The following PRKAG2 variants were observed in gnomAD, a reference collection of about 807,000 sequenced individuals.
The protein encoded by PRKAG2 is 5'-AMP-activated protein kinase subunit gamma-2.
In PRKAG2, 26 loss-of-function variants were observed where a neutral mutation model predicts 69.6. The observed-to-expected ratio is 0.37, with a 90% CI of 0.27 to 0.52. The LOEUF (loss-of-function observed/expected upper bound fraction) is 0.52. Among genes scored for constraint, PRKAG2 ranks in the 20% least tolerant of loss-of-function variants. The probability of loss-of-function intolerance (pLI) is 0.90; values close to 1 mark genes in which losing one functional copy is unlikely to be tolerated. For synonymous variants in PRKAG2, 293 were observed against 285.0 expected (o/e 1.03, Z -0.28); for missense variants, 557 against 740.0 (o/e 0.75, Z 2.87).
chr7:151,723,832 G>A (rs2536073), intron 3 of PRKAG2, among the ~76,000 whole-genome samples: 36,178 of 152,008 alleles, frequency 0.24, 4,473 homozygotes, highest in South Asian at 0.39. Flanking sequence ...AGACGCAGGC[G>A]TTTCTGGTGT....
At chr7:151,785,893 T>C (rs541969391) in intron 2 of PRKAG2, among the ~76,000 whole-genome samples, 1 of 152,114 alleles carries the variant, frequency 6.6e-6, no homozygotes, top group South Asian at 2.1e-4. Flanking sequence ...CACCTGACCC[T>C]ACACAGTCAA....
At chr7:151,570,772 G>T (rs138556262) in intron 9 of PRKAG2, among the ~76,000 whole-genome samples, 5 of 151,932 alleles carry the variant, frequency 3.3e-5, no homozygotes, top group East Asian at 1.9e-4. Flanking sequence ...CTTTTCCAAG[G>T]TTTCTTTTTT....
chr7:151,559,965 T>C, intron 15 of PRKAG2: 1 of 985,436 alleles, frequency 1.0e-6, no homozygotes, highest in South Asian at 4.7e-5. Flanking sequence ...TCCCGTTCTC[T>C]CTGCTCCTCA....
intron 1 of PRKAG2, among the ~76,000 whole-genome samples, chr7:151,790,326 A>C (rs1330532504): frequency 6.6e-6 from 1 of 152,216 alleles, no homozygotes; most frequent in Non-Finnish European, 1.5e-5. Context: ...TCTCTGGCTG[A>C]GAGTCACCCT....
intron 6 of PRKAG2, among the ~76,000 whole-genome samples, chr7:151,592,844 T>C (rs1368416237): frequency 6.6e-6 from 1 of 152,234 alleles, no homozygotes; most frequent in East Asian, 1.9e-4. Flanking sequence ...TCAATGGCTA[T>C]TACTGCAGCC....
At chr7:151,727,709 G>C (rs1259101862) in intron 3 of PRKAG2, among the ~76,000 whole-genome samples, 1 of 150,984 alleles carries the variant, frequency 6.6e-6, no homozygotes, top group Non-Finnish European at 1.5e-5. Flanking sequence ...CCAGGCCCAG[G>C]AGCGAGAAGG....
chr7:151,632,216 G>A lies in PRKAG2; in HGVS notation c.685-78C>T. On this transcript the variant is annotated intron_variant, in intron 4 of 15. Coordinates refer to ENST00000287878, the MANE Select transcript of PRKAG2 (RefSeq NM_016203.4). This position sits in a 1 kb window ranked among gnomAD's most constrained non-coding sequence, Gnocchi z 4.2. ...GGCCGGCGGGCTCGCGGCCGGCCGA[G>A]CGCTGGGGCCTGGCTCTGCCGCGCC... 8.8e-7 allele frequency: 1 copy of A among 1,136,164 alleles called. No individual in the cohort carries two copies. The highest frequency in any genetic ancestry group is 1.1e-6 in the Non-Finnish European group (1 of 926,944). 70.4% of individuals were successfully genotyped at this position (1,136,164 alleles called of 1,614,324 possible).
chr7:151,722,133 C>A (rs958011013), intron 3 of PRKAG2, among the ~76,000 whole-genome samples: 1 of 152,160 alleles, frequency 6.6e-6, no homozygotes, highest in African/African-American at 2.4e-5. Context: ...AGCCTGTAAC[C>A]CGTATTTCTC....
chr7:151,869,802 T>C (rs1362496078), intron 1 of PRKAG2, among the ~76,000 whole-genome samples: 2 of 152,170 alleles, frequency 1.3e-5, no homozygotes, highest in East Asian at 3.9e-4. Context: ...CCAAGCTTCA[T>C]CAAAAACCCT....
At chr7:151,695,499 C>G (rs1836463618) in intron 3 of PRKAG2, among the ~76,000 whole-genome samples, 1 of 152,076 alleles carries the variant, frequency 6.6e-6, no homozygotes, top group African/African-American at 2.4e-5. Context: ...CGTGTGGGTG[C>G]CCTAAGTGCC....
chr7:151,735,098 C>A (rs750870365), intron 3 of PRKAG2, among the ~76,000 whole-genome samples: 2 of 152,088 alleles, frequency 1.3e-5, no homozygotes, highest in African/African-American at 4.8e-5. Context: ...TCAGGTGATC[C>A]GCCTGTTTTG....
rs2078566713 is a variant in PRKAG2, at chr7:151,814,246, G to A, written c.115-27705C>T. On this transcript the variant is annotated intron_variant, in intron 1 of 15. Coordinates refer to ENST00000287878, the MANE Select transcript of PRKAG2 (RefSeq NM_016203.4). This position sits in a 1 kb window ranked among gnomAD's most constrained non-coding sequence, Gnocchi z 4.8. ...CTTCCGTGGAGAGAAGGAACATTTT[G>A]CTCAGCCTTGGGGTATCTGATTTAA... 6.6e-6 allele frequency among the ~76,000 whole-genome samples: 1 copy of A among 152,174 alleles called. No homozygotes were observed. The highest frequency in any genetic ancestry group is 1.5e-5 in the Non-Finnish European group (1 of 68,032).
chr7:151,683,460 C>T (rs945984760), intron 3 of PRKAG2, among the ~76,000 whole-genome samples: 1 of 152,180 alleles, frequency 6.6e-6, no homozygotes, highest in African/African-American at 2.4e-5. Context: ...GCAATCCGGC[C>T]CCTCCACTGC....
intron 2 of PRKAG2, among the ~76,000 whole-genome samples, chr7:151,784,352 C>T (rs2076891562): frequency 6.6e-6 from 1 of 152,134 alleles, no homozygotes; most frequent in Non-Finnish European, 1.5e-5. Flanking sequence ...AATGTCCAGT[C>T]CTACAGGGAA....
At position 151,557,091 on chromosome 7, in the gene PRKAG2, T is replaced by C. The variant is rs1803907619; in HGVS notation, c.*110A>G. 6 of 1,539,538 alleles carry C rather than the reference T, an allele frequency of 3.9e-6. No individual in the cohort carries two copies. The highest frequency in any genetic ancestry group is 4.5e-5 in the East Asian group (2 of 44,418). On this transcript the variant is annotated 3_prime_UTR_variant, in exon 16 of 16. Coordinates refer to ENST00000287878, the MANE Select transcript of PRKAG2 (RefSeq NM_016203.4). ...ACATCACTGGAAGAAATACCTATTG[T>C]TAAACCCTGATATACATTCTTAACC...
At chr7:151,838,475 A>G (rs2079194328) in intron 1 of PRKAG2, among the ~76,000 whole-genome samples, 1 of 151,610 alleles carries the variant, frequency 6.6e-6, no homozygotes, top group African/African-American at 2.4e-5. Flanking sequence ...TGGGAGGCTG[A>G]AGCAGGAAGA....
chr7:151,875,166 G>C (rs549146934), intron 1 of PRKAG2, among the ~76,000 whole-genome samples: 48 of 152,292 alleles, frequency 3.2e-4, no homozygotes, highest in Non-Finnish European at 6.2e-4. Flanking sequence ...AGTCACCACC[G>C]TGGGGGCCAC....
intron 4 of PRKAG2, among the ~76,000 whole-genome samples, chr7:151,634,497 T>C (rs1175493692): frequency 6.6e-6 from 1 of 152,138 alleles, no homozygotes; most frequent in African/African-American, 2.4e-5. Flanking sequence ...AAAGACCCTG[T>C]TAAGAGGATG....
rs116677365 is a variant in PRKAG2 at position 151,682,531 on chromosome 7, C to A, written c.467-6894G>T. 4.3e-3 allele frequency among the ~76,000 whole-genome samples: 648 copies of A among 152,344 alleles called. 2 individuals are homozygous for A. The highest frequency in any genetic ancestry group is 0.015 in the African/African-American group (611 of 41,566). ...GGGAATATAGGTGTGAACCGCCATG[C>A]CTGGCCCCCCATTACTTTTAAATAG... On this transcript the variant is annotated intron_variant, in intron 3 of 15. Transcript: ENST00000287878.
Sources: allele counts gnomAD v4.1 joint callset (sites outside exome capture counted in the v4.1 genomes callset), GRCh38; gene constraint gnomAD v4.1.1; non-coding constraint Gnocchi (gnomAD v3.1); transcripts MANE v1.5; gene names NCBI Gene and HGNC (gene_info 2026-07-23, HGNC 2026-07-21).